Variants in PLA2G4D observed in about 807,000 individuals in gnomAD.
PLA2G4D encodes the protein phospholipase A2 group IVD, also known as cytosolic phospholipase A2 delta.
A neutral mutation model predicts 94.4 loss-of-function variants in PLA2G4D; 80 were observed. The ratio of observed to expected loss-of-function variants is 0.85; its 90% CI spans 0.71 to 1.02. PLA2G4D has a LOEUF of 1.02. PLA2G4D is among the 50% of genes least tolerant of loss of function. The probability of loss-of-function intolerance (pLI) is 0.00; values close to 1 mark genes in which losing one functional copy is unlikely to be tolerated. For synonymous variants in PLA2G4D, 438 were observed against 440.9 expected (o/e 0.99, Z 0.08); for missense variants, 1,050 against 1,034.7 (o/e 1.01, Z -0.20).
chr15:42,072,444 C>T, intron 13 of PLA2G4D, 52 bp from the exon 14 acceptor site: 1 of 1,460,056 alleles, frequency 6.8e-7, no homozygotes, highest in Non-Finnish European at 9.5e-7. Context: ...ACCCTGGAGG[C>T]AGTGGCTCCG....
chr15:42,088,799 G>GA (rs1016093520), intron 1 of PLA2G4D, among the ~76,000 whole-genome samples: 1 of 152,160 alleles, frequency 6.6e-6, no homozygotes, highest in Non-Finnish European at 1.5e-5. Flanking sequence ...CTGTCAGGAA[G>GA]GAACACTGCC....
chr15:42,090,108 T>C (rs1890223076), intron 1 of PLA2G4D, among the ~76,000 whole-genome samples: 1 of 152,248 alleles, frequency 6.6e-6, no homozygotes, highest in African/African-American at 2.4e-5. Flanking sequence ...TGTCTGGATT[T>C]AAACCCTGGC....
Position 42,086,194 on chromosome 15 carries a change from T to TGGGGGGGCCGCC in PLA2G4D, c.387+18_387+19insGGCGGCCCCCCC. 7.3e-7 allele frequency: 1 copy of TGGGGGGGCCGCC among 1,370,444 alleles called. No homozygotes were observed. Among genetic ancestry groups the TGGGGGGGCCGCC allele is most frequent in the Non-Finnish European group, 9.6e-7 (1 of 1,043,084 alleles). The allele number at this position is 1,370,444 out of a possible 1,614,324, so 84.9% of individuals were successfully genotyped here. A position where few individuals can be genotyped will look rare whatever the true frequency, so the allele number is the denominator to read the frequency against. On this transcript the variant is annotated intron_variant, in intron 4 of 19. Transcript: ENST00000290472. ...GGAAGAAGTGGGGCCCACGGGGACTTCCCCACCCACCCACCCACCTGGGGA... is the reference window on the plus strand; with the variant it reads ...GGAAGAAGTGGGGCCCACGGGGACTTGGGGGGGCCGCCCCCCACCCACCCACCCACCTGGGGA...
At chr15:42,087,500 C>T (rs1890173287) in intron 2 of PLA2G4D, 64 bp from the exon 3 acceptor site, 1 of 1,609,728 alleles carries the variant, frequency 6.2e-7, no homozygotes, top group Non-Finnish European at 8.5e-7. Context: ...TGAGCCATGC[C>T]AGTTTCCTAC....
intron 9 of PLA2G4D, 112 bp from the exon 10 acceptor site, chr15:42,081,946 T>G: frequency 7.6e-7 from 1 of 1,319,214 alleles, no homozygotes; most frequent in Non-Finnish European, 1.0e-6. Flanking sequence ...TTTTTTTTTT[T>G]TTGAGACAGA....
intron 8 of PLA2G4D, 61 bp from the exon 9 acceptor site, chr15:42,082,450 C>G: frequency 8.2e-7 from 1 of 1,222,580 alleles, no homozygotes; most frequent in Non-Finnish European, 1.2e-6. Flanking sequence ...TACTAAGTAT[C>G]TAGACTACAA....
At chr15:42,088,976 A>C (rs1018349624) in intron 1 of PLA2G4D, among the ~76,000 whole-genome samples, 12 of 152,160 alleles carry the variant, frequency 7.9e-5, no homozygotes, top group African/African-American at 2.9e-4. Flanking sequence ...GACCACCTTC[A>C]TTCCAGAAAA....
Position 42,068,634 on chromosome 15 carries a change from C to T in PLA2G4D, c.*81G>A, listed in dbSNP as rs1889730813. 1.5e-6 allele frequency: 2 copies of T among 1,378,092 alleles called. No homozygotes were observed. Among genetic ancestry groups the T allele is most frequent in the South Asian group, 2.8e-5 (2 of 71,696 alleles). The allele number at this position is 1,378,092 out of a possible 1,614,324, so 85.4% of individuals were successfully genotyped here. A position where few individuals can be genotyped will look rare whatever the true frequency, so the allele number is the denominator to read the frequency against. The stretch of plus-strand genomic sequence containing the variant: ...GCCTGGGAGAGCCCAGAACTCCAAC[C>T]AGGAAGGCCTGTGGCTGAGCCCAGC... On this transcript the variant is annotated 3_prime_UTR_variant, in exon 20 of 20. Transcript: ENST00000290472.
intron 18 of PLA2G4D, chr15:42,070,421 A>G: frequency 3.9e-6 from 2 of 509,544 alleles, no homozygotes; most frequent in Non-Finnish European, 6.9e-6. Flanking sequence ...GTCTCAGGGG[A>G]GGTCTGGGGG....
chr15:42,092,828 A>C (rs967624630), intron 1 of PLA2G4D, among the ~76,000 whole-genome samples: 1 of 152,184 alleles, frequency 6.6e-6, no homozygotes, highest in Admixed American at 6.5e-5. Context: ...AAGAGAGCTT[A>C]AGGGGGTTGG....
At chr15:42,075,030 C>T (rs1033239477) in intron 13 of PLA2G4D, among the ~76,000 whole-genome samples, 1 of 152,146 alleles carries the variant, frequency 6.6e-6, no homozygotes, top group Non-Finnish European at 1.5e-5. Flanking sequence ...TTCAAGCTAT[C>T]CTCCCACATT....
chr15:42,068,749 G>T lies in PLA2G4D; in HGVS notation c.2423C>A (p.Thr808Asn), dbSNP rs1889735562. The T allele has an allele frequency of 6.2e-7, 1 of 1,611,282 alleles. No individual in the cohort carries two copies. The highest frequency in any genetic ancestry group is 8.5e-7 in the Non-Finnish European group (1 of 1,178,748). The change falls in exon 20 of 20, where the codon ACT (threonine) becomes AAT (asparagine). Residue 808 changes from threonine to asparagine, a missense_variant. Transcript: ENST00000290472. ...QALRTALKHR[T>N]LEARPPRAQT is the part of the protein sequence containing the mutation. ...TGCCCTTGGAGGCCTCGCCTCTAGAGTCCGGTGCTTCAGCGCGGTCCTCAG... is the reference window on the plus strand; with the variant it reads ...TGCCCTTGGAGGCCTCGCCTCTAGATTCCGGTGCTTCAGCGCGGTCCTCAG...
chr15:42,080,480 A>T (rs1890016429), intron 12 of PLA2G4D, among the ~76,000 whole-genome samples: 1 of 152,252 alleles, frequency 6.6e-6, no homozygotes, highest in Non-Finnish European at 1.5e-5. Context: ...ATGTCTACAC[A>T]GTCTTAAATG....
At position 42,071,322 on chromosome 15, in the gene PLA2G4D, A is replaced by G. The variant is rs1187422185; in HGVS notation, c.1682-5T>C. On this transcript the variant is annotated splice_polypyrimidine_tract_variant and splice_region_variant and intron_variant, in intron 16 of 19. Transcript: ENST00000290472. ...AGGTGGTCAGGGGCTCCTTCTCTGAAGCCAGAGAAACAGAAATTGGTCCCT... is the reference window on the plus strand; with the variant it reads ...AGGTGGTCAGGGGCTCCTTCTCTGAGGCCAGAGAAACAGAAATTGGTCCCT... 3.2e-6 allele frequency: 5 copies of G among 1,575,278 alleles called. No homozygotes were observed. The highest frequency in any genetic ancestry group is 2.2e-5 in the East Asian group (1 of 44,480).
At chr15:42,085,247 C>G in intron 5 of PLA2G4D, 109 bp from the exon 6 acceptor site, 1 of 1,322,050 alleles carries the variant, frequency 7.6e-7, no homozygotes, top group Non-Finnish European at 1.1e-6. Flanking sequence ...GTCCTGGATT[C>G]GGTTCAGGGA....
chr15:42,087,755 G>A, intron 1 of PLA2G4D, 55 bp from the exon 2 acceptor site: 1 of 1,575,854 alleles, frequency 6.3e-7, no homozygotes, highest in Non-Finnish European at 8.7e-7. Flanking sequence ...CTTATGCCTG[G>A]AGCTGCAGCC....
At position 42,086,194 on chromosome 15, in the gene PLA2G4D, T is replaced by TGGGGGGGGGGCCCCCCC; in HGVS notation, c.387+18_387+19insGGGGGGGCCCCCCCCCC. 2 of 1,370,444 alleles carry TGGGGGGGGGGCCCCCCC rather than the reference T, an allele frequency of 1.5e-6. No individual in the cohort carries two copies. Among genetic ancestry groups the TGGGGGGGGGGCCCCCCC allele is most frequent in the South Asian group, 1.5e-5 (1 of 66,866 alleles). The allele number at this position is 1,370,444 out of a possible 1,614,324, so 84.9% of individuals were successfully genotyped here. ...GGAAGAAGTGGGGCCCACGGGGACT[T>TGGGGGGGGGGCCCCCCC]CCCCACCCACCCACCCACCTGGGGA... is the stretch of plus-strand genomic sequence containing the variant. On this transcript the variant is annotated intron_variant, in intron 4 of 19. Transcript: ENST00000290472.
Position 42,079,715 on chromosome 15 carries a change from T to C in PLA2G4D, c.1139A>G (p.Asp380Gly). The C allele has an allele frequency of 6.2e-7, 1 of 1,609,610 alleles. No individual in the cohort carries two copies. The highest frequency in any genetic ancestry group is 1.1e-5 in the South Asian group (1 of 90,366). ...LYGDPEWSQRDLEGPIRYARE... is the reference protein window; with the variant it reads ...LYGDPEWSQRGLEGPIRYARE... Reference sequence around the variant, plus strand: ...GGCGTATCTGATAGGTCCCTCCAGGTCCCTCTGCGACCACTCAGGGTCCCC... The same window carrying C: ...GGCGTATCTGATAGGTCCCTCCAGGCCCCTCTGCGACCACTCAGGGTCCCC... The change falls in exon 13 of 20, where the codon GAC (aspartate) becomes GGC (glycine). Residue 380 changes from aspartate (D) to glycine (G), a missense_variant. Coordinates refer to ENST00000290472, the MANE Select transcript of PLA2G4D (RefSeq NM_178034.4).
chr15:42,070,552 C>A, intron 18 of PLA2G4D, 165 bp downstream of exon 18: 1 of 884,550 alleles, frequency 1.1e-6, no homozygotes, highest in South Asian at 1.8e-5. Flanking sequence ...ACCACCCCAG[C>A]CTTCCCACCT....
Sources: gnomAD v4.1 joint callset for allele counts (sites outside exome capture counted in the v4.1 genomes callset) on GRCh38, gnomAD v4.1.1 for gene constraint, MANE v1.5 for transcripts, NCBI Gene and HGNC (gene_info 2026-07-23, HGNC 2026-07-21) for gene names.